TMEM132D: variants seen among roughly 807,000 people sequenced by gnomAD.
TMEM132D encodes transmembrane protein 132D.
In TMEM132D, 21 loss-of-function variants were observed where a neutral mutation model predicts 62.3. The observed-to-expected ratio is 0.34, with a 90% CI of 0.24 to 0.49. The LOEUF (loss-of-function observed/expected upper bound fraction) is 0.49. TMEM132D is among the 20% of genes least tolerant of loss of function. The pLI, the probability that TMEM132D is intolerant of heterozygous loss-of-function variation, is 0.99. For synonymous variants in TMEM132D, 621 were observed against 575.6 expected (o/e 1.08, Z -1.13); for missense variants, 1,346 against 1,402.8 (o/e 0.96, Z 0.65).
intron 2 of TMEM132D, among the ~76,000 whole-genome samples, chr12:129,680,413 G>C (rs1880748327): frequency 6.6e-6 from 1 of 152,114 alleles, no homozygotes; most frequent in Non-Finnish European, 1.5e-5. Flanking sequence ...AATATTACCT[G>C]TTCCCTCTGT....
intron 2 of TMEM132D, among the ~76,000 whole-genome samples, chr12:129,565,517 C>T (rs1270264028): frequency 6.6e-6 from 1 of 152,168 alleles, no homozygotes; most frequent in Admixed American, 6.5e-5. Context: ...AGGTGCAAGC[C>T]CCTCTTTCCA....
At chr12:129,786,323 G>A (rs972447023) in intron 1 of TMEM132D, among the ~76,000 whole-genome samples, 9 of 152,098 alleles carry the variant, frequency 5.9e-5, no homozygotes, top group Non-Finnish European at 7.4e-5. Flanking sequence ...CTGTACTGTG[G>A]GTGTGGAGTT....
intron 3 of TMEM132D, among the ~76,000 whole-genome samples, chr12:129,344,281 C>T (rs1457669616): frequency 6.6e-6 from 1 of 152,164 alleles, no homozygotes; most frequent in Non-Finnish European, 1.5e-5. Flanking sequence ...GACTACAGTG[C>T]AGAAAGCCTG....
intron 2 of TMEM132D, among the ~76,000 whole-genome samples, chr12:129,540,974 C>T (rs1876567883): frequency 1.3e-5 from 2 of 152,202 alleles, no homozygotes; most frequent in Non-Finnish European, 2.9e-5. Context: ...TTTTCATATA[C>T]TCTTCACCCA....
intron 1 of TMEM132D, among the ~76,000 whole-genome samples, chr12:129,798,465 A>G (rs546549276): frequency 6.6e-6 from 1 of 152,154 alleles, no homozygotes; most frequent in Non-Finnish European, 1.5e-5. Flanking sequence ...CATATTATAC[A>G]TTTCTTTAAT....
At chr12:129,325,830 C>A (rs2135646672) in intron 4 of TMEM132D, among the ~76,000 whole-genome samples, 1 of 152,306 alleles carries the variant, frequency 6.6e-6, no homozygotes, top group African/African-American at 2.4e-5. Flanking sequence ...CTGCCTTCAA[C>A]CCTTATATGA....
At chr12:129,187,400 C>T (rs1044210610) in intron 5 of TMEM132D, among the ~76,000 whole-genome samples, 1 of 152,098 alleles carries the variant, frequency 6.6e-6, no homozygotes, top group Admixed American at 6.5e-5. Flanking sequence ...GAATAACAGC[C>T]AAGAACTTGG....
intron 3 of TMEM132D, among the ~76,000 whole-genome samples, chr12:129,422,667 C>T (rs567286781): frequency 2.0e-5 from 3 of 151,882 alleles, no homozygotes; most frequent in Admixed American, 2.0e-4. Context: ...ATTCTTTGAG[C>T]CATAAATCTC....
intron 4 of TMEM132D, among the ~76,000 whole-genome samples, chr12:129,304,662 C>CTTTTTTTTTTTTTTTTTTTTTTTT (rs35812965): frequency 2.1e-5 from 2 of 93,604 alleles, no homozygotes; most frequent in African/African-American, 4.1e-5. Context: ...ATACTTGGAT[C>CTTTTTTTTTTTTTTTTTTTTTTTT]TTTTTTTTTT....
intron 4 of TMEM132D, among the ~76,000 whole-genome samples, chr12:129,293,003 C>T (rs914199068): frequency 7.2e-5 from 11 of 152,042 alleles, no homozygotes; most frequent in East Asian, 3.9e-4. Context: ...CAGAACGAGC[C>T]GAGGAGAGAG....
intron 2 of TMEM132D, among the ~76,000 whole-genome samples, chr12:129,639,382 TAAAAAAAAAAAA>T (rs34476667): frequency 2.2e-5 from 2 of 90,470 alleles, no homozygotes; most frequent in Admixed American, 2.9e-4. Flanking sequence ...GACTCTGTCT[TAAAAAAAAAAAA>T]AAAAAAAAAA....
chr12:129,444,312 A>G (rs1422219648), intron 3 of TMEM132D, among the ~76,000 whole-genome samples: 1 of 152,246 alleles, frequency 6.6e-6, no homozygotes, highest in Non-Finnish European at 1.5e-5. Flanking sequence ...CTACCAGCAG[A>G]GTAAACAGAC....
At chr12:129,384,718 C>G (rs990611072) in intron 3 of TMEM132D, among the ~76,000 whole-genome samples, 1 of 152,168 alleles carries the variant, frequency 6.6e-6, no homozygotes, top group African/African-American at 2.4e-5. Flanking sequence ...CCTCCTGAGT[C>G]AGGATCTGCA....
At chr12:129,305,943 G>A (rs1333876410) in intron 4 of TMEM132D, among the ~76,000 whole-genome samples, 1 of 152,174 alleles carries the variant, frequency 6.6e-6, no homozygotes, top group Non-Finnish European at 1.5e-5. Context: ...AATAACACTT[G>A]TTATAATTTC....
chr12:129,638,851 G>A (rs544270977), intron 2 of TMEM132D, among the ~76,000 whole-genome samples: 8 of 152,116 alleles, frequency 5.3e-5, no homozygotes, highest in Non-Finnish European at 8.8e-5. Context: ...CACCAAAGGT[G>A]GCCACATTGC....
intron 5 of TMEM132D, among the ~76,000 whole-genome samples, chr12:129,173,638 TC>T (rs1877801963): frequency 6.6e-6 from 1 of 152,238 alleles, no homozygotes; most frequent in African/African-American, 2.4e-5. Context: ...ACCTTCTCCT[TC>T]CTGCATTCTC....
intron 2 of TMEM132D, among the ~76,000 whole-genome samples, chr12:129,597,826 TCAGA>T (rs1442961150): frequency 6.6e-6 from 1 of 152,100 alleles, no homozygotes; most frequent in African/African-American, 2.4e-5. Flanking sequence ...GCTGTGGAGC[TCAGA>T]CAATCACAGA....
rs1287135565 is a variant in TMEM132D, at chr12:129,257,196, G to GTTTC, written c.1300-47537_1300-47534dup. On this transcript the variant is annotated intron_variant, in intron 4 of 8. Transcript: ENST00000422113. ...TTTTATGGGCATCCAGGCATCCCCT[G>GTTTC]TTTCTTTCTTTTTTTTTTTTTTTTT... Among the ~76,000 whole-genome samples, 1,264 of 140,752 alleles carry GTTTC rather than the reference G, an allele frequency of 9.0e-3. 25 individuals carry two copies. The highest frequency in any genetic ancestry group is 0.033 in the African/African-American group (1,203 of 36,988). The allele number at this position is 140,752 out of a possible 152,430, so 92.3% of individuals were successfully genotyped here.
intron 3 of TMEM132D, among the ~76,000 whole-genome samples, chr12:129,410,807 T>C (rs7963183): frequency 0.69 from 104,715 of 152,006 alleles, 36,628 homozygotes; most frequent in East Asian, 0.89. Context: ...ACTTTACATA[T>C]ATAAACTTGT....
Sources: gnomAD v4.1 joint callset for allele counts (sites outside exome capture counted in the v4.1 genomes callset) on GRCh38, gnomAD v4.1.1 for gene constraint, MANE v1.5 for transcripts, NCBI Gene and HGNC (gene_info 2026-07-23, HGNC 2026-07-21) for gene names.